The following ENPP1 variants were observed in gnomAD, a reference collection of about 807,000 sequenced individuals.
The protein encoded by ENPP1 is ectonucleotide pyrophosphatase/phosphodiesterase family member 1.
Under a neutral mutation model 122.8 loss-of-function variants are expected in ENPP1, and 73 were observed. The ratio of observed to expected loss-of-function variants is 0.59; its 90% CI spans 0.49 to 0.72. The LOEUF (loss-of-function observed/expected upper bound fraction) is 0.72. Among genes scored for constraint, ENPP1 ranks in the 30% least tolerant of loss-of-function variants. The pLI is 0.00. For missense variants in ENPP1, 978 were observed against 1,128.1 expected (o/e 0.87, Z 1.91); for synonymous variants, 367 against 391.6 (o/e 0.94, Z 0.74).
At chr6:131,845,043 GTTTTTTTTTT>G (rs142380855) in intron 1 of ENPP1, among the ~76,000 whole-genome samples, 1 of 84,986 alleles carries the variant, frequency 1.2e-5, no homozygotes, top group African/African-American at 5.0e-5. Context: ...ATTCTTCATG[GTTTTTTTTTT>G]TTTTTTTTTT....
At chr6:131,823,431 G>C (rs936199292) in intron 1 of ENPP1, among the ~76,000 whole-genome samples, 1 of 151,940 alleles carries the variant, frequency 6.6e-6, no homozygotes, top group Non-Finnish European at 1.5e-5. Flanking sequence ...TGCTGTGATG[G>C]CACTTTGCCC....
intron 19 of ENPP1, among the ~76,000 whole-genome samples, chr6:131,879,048 A>T (rs959334290): frequency 2.6e-5 from 4 of 152,202 alleles, no homozygotes; most frequent in African/African-American, 7.2e-5. Context: ...GAAATTTTTC[A>T]CTTATGACTT....
Position 131,890,900 on chromosome 6 carries a change from G to A in ENPP1, c.*389G>A, listed in dbSNP as rs553. ...GGGCAAACAGTAGACTTATAGTAGG[G>A]TTGGGGTAGCCCATGTTATGTGACT... is the stretch of plus-strand genomic sequence containing the variant. On this transcript the variant is annotated 3_prime_UTR_variant, in exon 25 of 25. Coordinates refer to ENST00000647893, the MANE Select transcript of ENPP1 (RefSeq NM_006208.3). 0.098 allele frequency: 19,727 copies of A among 200,502 alleles called. 2,043 individuals are homozygous for A. Among genetic ancestry groups the A allele is most frequent in the African/African-American group, 0.29 (12,521 of 42,634 alleles). 12.4% of individuals were successfully genotyped at this position (200,502 alleles called of 1,614,324 possible). A position where few individuals can be genotyped will look rare whatever the true frequency, so the allele number is the denominator to read the frequency against.
At position 131,875,816 on chromosome 6, in the gene ENPP1, T is replaced by C. The variant is rs1454808150; in HGVS notation, c.1676T>C (p.Ile559Thr). The C allele has an allele frequency of 1.2e-6, 2 of 1,614,022 alleles. No homozygotes were observed. Among genetic ancestry groups the C allele is most frequent in the Non-Finnish European group, 1.7e-6 (2 of 1,179,970 alleles). The change falls in exon 17 of 25, where the codon ATT (isoleucine) becomes ACT (threonine). Residue 559 changes from isoleucine (I) to threonine (T), a missense_variant. Transcript: ENST00000647893. ...VGYGPGFKHG[I>T]EADTFENIEV... ...TATGGACCTGGATTCAAGCATGGCA[T>C]TGAGGCTGACACCTTTGAAAACATT...
chr6:131,811,654 A>G (rs1349212763), intron 1 of ENPP1, among the ~76,000 whole-genome samples: 2 of 152,326 alleles, frequency 1.3e-5, no homozygotes, highest in South Asian at 2.1e-4. Context: ...TTCCAGGAAC[A>G]TGAAGATAGT....
chr6:131,865,069 T>C (rs1782072537), intron 11 of ENPP1, 131 bp downstream of exon 11: 1 of 702,886 alleles, frequency 1.4e-6, no homozygotes, highest in Non-Finnish European at 2.6e-6. Context: ...ATACACAATA[T>C]TACTAAATAT....
Position 131,864,488 on chromosome 6 carries a change from G to T in ENPP1, c.1026-18G>T. 6.4e-7 allele frequency: 1 copy of T among 1,554,596 alleles called. No homozygotes were observed. The highest frequency in any genetic ancestry group is 1.1e-5 in the South Asian group (1 of 89,240). ...CAATTGTCAGCCATCTTTTATTTTT[G>T]TTTGTTCTTCATTTTAGTTCAGTAC... is the stretch of plus-strand genomic sequence containing the variant. On this transcript the variant is annotated intron_variant, in intron 9 of 24. Coordinates refer to ENST00000647893, the MANE Select transcript of ENPP1 (RefSeq NM_006208.3).
At chr6:131,816,235 T>C (rs958110515) in intron 1 of ENPP1, among the ~76,000 whole-genome samples, 1 of 151,616 alleles carries the variant, frequency 6.6e-6, no homozygotes, top group Non-Finnish European at 1.5e-5. Context: ...TTATAACTTC[T>C]TTTTTTTTCT....
chr6:131,882,336 G>C lies in ENPP1; in HGVS notation c.2101-9G>C, dbSNP rs781350347. ...ATATCTGAGAGTTCTTCTCATTTTC[G>C]TTCTTCAGGACAGTTTCTCTACGGA... On this transcript the variant is annotated splice_polypyrimidine_tract_variant and intron_variant, in intron 20 of 24. Transcript: ENST00000647893. The C allele has an allele frequency of 1.3e-6, 2 of 1,591,842 alleles. No homozygotes were observed. The highest frequency in any genetic ancestry group is 1.7e-4 in the Middle Eastern group (1 of 5,962).
At chr6:131,887,502 C>G (rs139051845) in intron 24 of ENPP1, among the ~76,000 whole-genome samples, 6,976 of 149,508 alleles carry the variant, frequency 0.047, 385 homozygotes, top group African/African-American at 0.16. Context: ...ACACCATTCT[C>G]CTGCCTCAGC....
At chr6:131,864,407 C>A in intron 9 of ENPP1, 99 bp from the exon 10 acceptor site, 1 of 762,140 alleles carries the variant, frequency 1.3e-6, no homozygotes, top group Non-Finnish European at 2.3e-6. Context: ...TGCGAAATAG[C>A]ATTTAGTAGC....
chr6:131,860,451 C>A lies in ENPP1; in HGVS notation c.860C>A (p.Ser287Tyr). Residue 287 changes from serine (S) to tyrosine (Y), a missense_variant, in exon 8 of 25, where the codon TCC (serine) becomes TAC (tyrosine). By Grantham distance (144) the Ser-to-Tyr change is moderately radical (BLOSUM62 -2). Transcript: ENST00000647893. ...ATGTATGATCCCAAAATGAATGCTT[C>A]CTTTTCACTTAAAAGTAAAGAGAAA... ...NKMYDPKMNA[S>Y]FSLKSKEKFN... is the part of the protein sequence containing the mutation. The A allele has an allele frequency of 6.3e-7, 1 of 1,595,002 alleles. No individual in the cohort carries two copies. Among genetic ancestry groups the A allele is most frequent in the Non-Finnish European group, 8.6e-7 (1 of 1,163,274 alleles).
chr6:131,845,451 G>GTTTTTTTTTTTTTT (rs34638422), intron 1 of ENPP1, among the ~76,000 whole-genome samples: 3 of 133,090 alleles, frequency 2.3e-5, no homozygotes, highest in South Asian at 2.4e-4. Flanking sequence ...GTTTTGGCTT[G>GTTTTTTTTTTTTTT]TTTTTTTTTT....
At chr6:131,812,642 G>A (rs1781368329) in intron 1 of ENPP1, among the ~76,000 whole-genome samples, 1 of 152,212 alleles carries the variant, frequency 6.6e-6, no homozygotes, top group Non-Finnish European at 1.5e-5. Flanking sequence ...ATGAGTGACT[G>A]TGGCTCGGGG....
In ENPP1 at chr6:131,891,471, A is replaced by G. The variant is rs1368978412; in HGVS notation, c.*960A>G. On this transcript the variant is annotated 3_prime_UTR_variant, in exon 25 of 25. Transcript: ENST00000647893. ...TTCCACAGATTGAAGAGAACATGCC[A>G]CCAATCACCTCACATCTTCTTGGTG... is the stretch of plus-strand genomic sequence containing the variant. The G allele has an allele frequency of 6.6e-6, 1 of 152,122 alleles. No individual in the cohort carries two copies. The highest frequency in any genetic ancestry group is 2.4e-5 in the African/African-American group (1 of 41,414). The allele number at this position is 152,122 out of a possible 1,614,324, so 9.4% of individuals were successfully genotyped here.
chr6:131,873,992 C>A (rs1428924130), intron 15 of ENPP1, among the ~76,000 whole-genome samples: 1 of 152,234 alleles, frequency 6.6e-6, no homozygotes, highest in African/African-American at 2.4e-5. Flanking sequence ...TCTAAACTCA[C>A]AAGTAGTTAA....
At chr6:131,877,478 G>GA in intron 18 of ENPP1, 1 of 393,550 alleles carries the variant, frequency 2.5e-6, no homozygotes, top group Non-Finnish European at 4.8e-6. Context: ...CTGAATTAGG[G>GA]AATCTGTGCT....
At position 131,873,055 on chromosome 6, in the gene ENPP1, G is replaced by A. The variant is rs774127785; in HGVS notation, c.1565+5G>A. 20 of 1,613,612 alleles carry A rather than the reference G, an allele frequency of 1.2e-5. No homozygotes were observed. The highest frequency in any genetic ancestry group is 1.6e-5 in the Non-Finnish European group (19 of 1,179,620). ...CCCTCAGTGGCAACTTGCATTGTAA[G>A]TTCTGACAGTCTCCCAGGTAAACTT... On this transcript the variant is annotated splice_donor_5th_base_variant and intron_variant, in intron 15 of 24. Coordinates refer to ENST00000647893, the MANE Select transcript of ENPP1 (RefSeq NM_006208.3).
chr6:131,860,199 A>G (rs1201252004), intron 7 of ENPP1, among the ~76,000 whole-genome samples, 188 bp from the exon 8 acceptor site: 1 of 152,190 alleles, frequency 6.6e-6, no homozygotes, highest in African/African-American at 2.4e-5. Flanking sequence ...AATTTAAATC[A>G]CAAATACTAC....
Sources: allele counts gnomAD v4.1 joint callset (sites outside exome capture counted in the v4.1 genomes callset), GRCh38; gene constraint gnomAD v4.1.1; transcripts MANE v1.5; gene names NCBI Gene and HGNC (gene_info 2026-07-23, HGNC 2026-07-21).